SCOC: variants seen among roughly 807,000 people sequenced by gnomAD.
SCOC encodes the protein short coiled-coil protein, also known as short coiled coil protein.
In SCOC, 7 loss-of-function variants were observed where a neutral mutation model predicts 9.9. The observed-to-expected ratio is 0.71, with a 90% CI of 0.40 to 1.33. The LOEUF (loss-of-function observed/expected upper bound fraction) is 1.33. SCOC is among the 40% of genes most tolerant of loss of function. The pLI, the probability that SCOC is intolerant of heterozygous loss-of-function variation, is 0.01. For missense variants in SCOC, 66 were observed against 89.7 expected (o/e 0.74, Z 1.07); for synonymous variants, 19 against 28.2 (o/e 0.67, Z 1.03).
chr4:140,295,653 C>A (rs183899016), intron 1 of SCOC, among the ~76,000 whole-genome samples: 3 of 152,272 alleles, frequency 2.0e-5, no homozygotes, highest in African/African-American at 7.2e-5. Context: ...ATGAAAATCA[C>A]CTGGAGCGAA....
chr4:140,360,974 A>G (rs1035812689), intron 2 of SCOC: 1 of 151,570 alleles, frequency 6.6e-6, no homozygotes, highest in East Asian at 1.9e-4. Flanking sequence ...CCCTTAAGAT[A>G]CTGTATAAAG....
At chr4:140,324,097 T>A (rs1732578379) in intron 1 of SCOC, among the ~76,000 whole-genome samples, 1 of 152,128 alleles carries the variant, frequency 6.6e-6, no homozygotes. Context: ...ATGTAATTCA[T>A]TATATTATAT....
At chr4:140,334,104 A>G (rs1470399669) in intron 1 of SCOC, among the ~76,000 whole-genome samples, 1 of 152,080 alleles carries the variant, frequency 6.6e-6, no homozygotes, top group African/African-American at 2.4e-5. Flanking sequence ...TTTTTTGTAG[A>G]GATAGTGTCT....
At chr4:140,269,927 A>G (rs183234813) in intron 1 of SCOC, among the ~76,000 whole-genome samples, 3 of 151,888 alleles carry the variant, frequency 2.0e-5, no homozygotes, top group Non-Finnish European at 4.4e-5. Context: ...AATTTTTAAA[A>G]TTTTCGTAGA....
intron 1 of SCOC, among the ~76,000 whole-genome samples, chr4:140,323,552 G>A (rs192821847): frequency 5.3e-4 from 81 of 152,142 alleles, no homozygotes; most frequent in Admixed American, 5.2e-3. Flanking sequence ...TGCAACAAAG[G>A]ACATCACTAC....
chr4:140,354,938 T>A (rs1452108884), intron 2 of SCOC, among the ~76,000 whole-genome samples: 11 of 152,000 alleles, frequency 7.2e-5, no homozygotes, highest in Non-Finnish European at 1.6e-4. Flanking sequence ...TCTCAAATGT[T>A]TGGAGTAACC....
chr4:140,341,626 A>T (rs1319601823), upstream of SCOC, among the ~76,000 whole-genome samples: 1 of 152,226 alleles, frequency 6.6e-6, no homozygotes, highest in Non-Finnish European at 1.5e-5. Flanking sequence ...ATACTGGTCC[A>T]TGATTATATA....
chr4:140,310,487 T>G (rs1285623818), intron 1 of SCOC, among the ~76,000 whole-genome samples: 1 of 152,238 alleles, frequency 6.6e-6, no homozygotes, highest in African/African-American at 2.4e-5. Context: ...TCAGGAACTT[T>G]CGCTCTATGT....
At chr4:140,330,585 G>A (rs1052602128) in intron 1 of SCOC, among the ~76,000 whole-genome samples, 1 of 152,174 alleles carries the variant, frequency 6.6e-6, no homozygotes, top group Non-Finnish European at 1.5e-5. Context: ...TCAGACAAGG[G>A]CTGCAGAGTT....
upstream of SCOC, chr4:140,373,446 C>A: frequency 6.5e-7 from 1 of 1,539,994 alleles, no homozygotes; most frequent in Non-Finnish European, 8.8e-7. Flanking sequence ...ACAGCGACCT[C>A]AATCCTGATT....
chr4:140,373,985 C>T, intron 1 of SCOC: 1 of 640,134 alleles, frequency 1.6e-6, no homozygotes, highest in Non-Finnish European at 2.9e-6. Flanking sequence ...CTGACGCAGA[C>T]ATCGTGTAGC....
chr4:140,270,346 T>C (rs1730816360), intron 1 of SCOC, among the ~76,000 whole-genome samples: 1 of 152,098 alleles, frequency 6.6e-6, no homozygotes, highest in African/African-American at 2.4e-5. Flanking sequence ...GATTATTATT[T>C]TTTTAGAGAC....
chr4:140,318,486 T>A (rs376426046), intron 1 of SCOC, among the ~76,000 whole-genome samples: 62 of 103,518 alleles, frequency 6.0e-4, no homozygotes, highest in African/African-American at 3.1e-3. Context: ...AAAATGCTCA[T>A]CATCACTGGC....
intron 1 of SCOC, among the ~76,000 whole-genome samples, chr4:140,298,541 G>A (rs1043599366): frequency 2.6e-5 from 4 of 152,180 alleles, no homozygotes; most frequent in African/African-American, 7.2e-5. Flanking sequence ...CCCCATGCCC[G>A]TGCCAGGCTA....
intron 1 of SCOC, among the ~76,000 whole-genome samples, chr4:140,334,726 T>C (rs1025769436): frequency 6.6e-6 from 1 of 152,122 alleles, no homozygotes; most frequent in African/African-American, 2.4e-5. Flanking sequence ...TTTATACCTA[T>C]GGAATAGCAA....
chr4:140,265,373 G>A (rs747014667), intron 1 of SCOC, among the ~76,000 whole-genome samples: 9 of 152,090 alleles, frequency 5.9e-5, no homozygotes, highest in Non-Finnish European at 7.4e-5. Flanking sequence ...AGAGCATTTC[G>A]GTATATTGCA....
At chr4:140,334,926 AC>A (rs1732916694) in intron 1 of SCOC, among the ~76,000 whole-genome samples, 1 of 152,082 alleles carries the variant, frequency 6.6e-6, no homozygotes, top group Admixed American at 6.6e-5. Context: ...ACATGACAAA[AC>A]CCTGTCTCAA....
upstream of SCOC, among the ~76,000 whole-genome samples, chr4:140,341,975 C>T (rs1189582694): frequency 6.6e-6 from 1 of 152,166 alleles, no homozygotes; most frequent in Non-Finnish European, 1.5e-5. Context: ...CTTTGTCAGA[C>T]TTGCATCATG....
At chr4:140,260,985 C>A (rs1448045501) in intron 1 of SCOC, among the ~76,000 whole-genome samples, 1 of 152,172 alleles carries the variant, frequency 6.6e-6, no homozygotes, top group African/African-American at 2.4e-5. Context: ...TAAGAGCTCT[C>A]TATGTTAAGT....
Sources: gnomAD v4.1 joint callset for allele counts (sites outside exome capture counted in the v4.1 genomes callset) on GRCh38, gnomAD v4.1.1 for gene constraint, MANE v1.5 for transcripts, NCBI Gene and HGNC (gene_info 2026-07-23, HGNC 2026-07-21) for gene names.